Variants in SNX29 observed in about 807,000 individuals in gnomAD.
SNX29 encodes the protein sorting nexin-29.
In SNX29, 78 loss-of-function variants were observed where a neutral mutation model predicts 102.1. The observed-to-expected ratio is 0.76, with a 90% CI of 0.64 to 0.92. SNX29 has a LOEUF of 0.92. SNX29 is among the 40% of genes least tolerant of loss of function. SNX29 has a pLI of 0.00. For missense variants in SNX29, 1,280 were observed against 1,061.7 expected (o/e 1.21, Z -2.86); for synonymous variants, 580 against 414.5 (o/e 1.40, Z -4.85).
chr16:12,536,542 C>T (rs898367742), intron 20 of SNX29, among the ~76,000 whole-genome samples: 1 of 152,136 alleles, frequency 6.6e-6, no homozygotes, highest in Non-Finnish European at 1.5e-5. Context: ...TAAAATGGGA[C>T]TAATTATAGC....
chr16:12,255,136 T>G (rs896897761), intron 14 of SNX29, among the ~76,000 whole-genome samples: 1 of 152,244 alleles, frequency 6.6e-6, no homozygotes, highest in Non-Finnish European at 1.5e-5. Context: ...CACATACTTT[T>G]TTTTGGTGTT....
At chr16:12,392,364 A>G (rs924275658) in intron 16 of SNX29, among the ~76,000 whole-genome samples, 8 of 152,186 alleles carry the variant, frequency 5.3e-5, no homozygotes, top group Admixed American at 3.3e-4. Flanking sequence ...TTTCTTGGAA[A>G]GAAAGTAGAT....
At position 12,263,132 on chromosome 16, in the gene SNX29, CT is replaced by C. The variant is rs541154463; in HGVS notation, c.1679-14784del. Among the ~76,000 whole-genome samples the C allele has an allele frequency of 4.1e-3, 570 of 138,302 alleles. 8 individuals are homozygous for C. The East Asian group carries it at 0.042, about 10-fold the overall frequency. 90.7% of individuals were successfully genotyped at this position (138,302 alleles called of 152,430 possible). A position where few individuals can be genotyped will look rare whatever the true frequency, so the allele number is the denominator to read the frequency against. On this transcript the variant is annotated intron_variant, in intron 14 of 20. Coordinates refer to ENST00000566228, the MANE Select transcript of SNX29 (RefSeq NM_032167.5). ...CCTCTCTTCTTGGACTGTTGTCCACCTTTTTTTTTTTTTTTTTGAGACAGGA... is the reference window on the plus strand; with the variant it reads ...CCTCTCTTCTTGGACTGTTGTCCACCTTTTTTTTTTTTTTTTGAGACAGGA...
At position 12,393,663 on chromosome 16, in the gene SNX29, T is replaced by A. The variant is rs141504199; in HGVS notation, c.1900-4783T>A. Among the ~76,000 whole-genome samples, 329 of 152,274 alleles carry A rather than the reference T, an allele frequency of 2.2e-3. 1 individual carries two copies. Among genetic ancestry groups the A allele is most frequent in the African/African-American group, 7.8e-3 (323 of 41,556 alleles). The stretch of plus-strand genomic sequence containing the variant: ...GGTCTGGGAAGGTGCCTCCTAGGAA[T>A]TCATATTTTGGCTGAGTCTTAGATG... On this transcript the variant is annotated intron_variant, in intron 16 of 20. Transcript: ENST00000566228.
At chr16:12,042,111 A>G (rs2049902696) in intron 4 of SNX29, among the ~76,000 whole-genome samples, 1 of 151,840 alleles carries the variant, frequency 6.6e-6, no homozygotes, top group Non-Finnish European at 1.5e-5. Flanking sequence ...GCTCACTGCA[A>G]CCTCCGCCTC....
chr16:12,160,705 A>G (rs761418701), intron 13 of SNX29, among the ~76,000 whole-genome samples: 9 of 152,208 alleles, frequency 5.9e-5, no homozygotes, highest in Non-Finnish European at 1.2e-4. Flanking sequence ...AAAAGGGTGA[A>G]TTATATCTTA....
intron 16 of SNX29, among the ~76,000 whole-genome samples, chr16:12,366,042 CAAAA>C (rs55895030): frequency 0.031 from 2,253 of 72,426 alleles, 43 homozygotes; most frequent in East Asian, 0.098. Flanking sequence ...ACTCTTGTCT[CAAAA>C]AAAAAAAAAA....
intron 15 of SNX29, among the ~76,000 whole-genome samples, chr16:12,351,210 TGG>T (rs35814939): frequency 0.39 from 59,334 of 151,952 alleles, 13,397 homozygotes; most frequent in Non-Finnish European, 0.53. Context: ...GACACTTAGT[TGG>T]TGCTCCGGAG....
chr16:12,453,084 C>G (rs906142977), intron 18 of SNX29, among the ~76,000 whole-genome samples: 2 of 152,148 alleles, frequency 1.3e-5, no homozygotes, highest in African/African-American at 4.8e-5. Flanking sequence ...TCCCCTCCCA[C>G]CCTTCATTCT....
At chr16:12,232,617 A>G (rs986534741) in intron 14 of SNX29, among the ~76,000 whole-genome samples, 1 of 152,156 alleles carries the variant, frequency 6.6e-6, no homozygotes, top group African/African-American at 2.4e-5. Context: ...TTCACGGTGG[A>G]GTAGTGGAAA....
At chr16:12,373,105 A>G (rs72771521) in intron 16 of SNX29, 2 of 152,288 alleles carry the variant, frequency 1.3e-5, no homozygotes, top group Non-Finnish European at 2.9e-5. Context: ...TAGAGTCTTC[A>G]TGTCCTCACC....
chr16:12,093,112 A>G (rs754320279), intron 11 of SNX29, among the ~76,000 whole-genome samples: 9 of 152,204 alleles, frequency 5.9e-5, no homozygotes, highest in African/African-American at 9.7e-5. Context: ...TGTCACCTTC[A>G]GGTTTTAATT....
intron 3 of SNX29, among the ~76,000 whole-genome samples, chr16:12,025,772 TTGAG>T (rs944333389): frequency 1.1e-4 from 17 of 152,246 alleles, no homozygotes; most frequent in African/African-American, 3.6e-4. Context: ...CGAGTAAAGA[TTGAG>T]TAAGGTAGCC....
intron 18 of SNX29, among the ~76,000 whole-genome samples, chr16:12,417,378 C>T (rs1384833227): frequency 1.3e-5 from 2 of 152,160 alleles, no homozygotes; most frequent in East Asian, 1.9e-4. Flanking sequence ...CTGTCTGGCT[C>T]ACCTGGTCTC....
At chr16:12,559,669 T>C (rs999064759) in intron 20 of SNX29, among the ~76,000 whole-genome samples, 6 of 152,086 alleles carry the variant, frequency 3.9e-5, no homozygotes, top group African/African-American at 1.4e-4. Context: ...TTCTCTACCA[T>C]GGGCCTGGGG....
At chr16:12,046,920 C>T (rs2050112671) in intron 6 of SNX29, among the ~76,000 whole-genome samples, 1 of 152,174 alleles carries the variant, frequency 6.6e-6, no homozygotes, top group African/African-American at 2.4e-5. Context: ...TGCCCGACCA[C>T]AGTGTTGGGT....
intron 20 of SNX29, among the ~76,000 whole-genome samples, chr16:12,556,017 C>T (rs951982597): frequency 5.3e-5 from 8 of 152,164 alleles, no homozygotes; most frequent in South Asian, 2.1e-4. Context: ...CCTGTGGACT[C>T]ATGCCATGCC....
chr16:12,554,977 G>A (rs777469907), intron 20 of SNX29, among the ~76,000 whole-genome samples: 1 of 152,084 alleles, frequency 6.6e-6, no homozygotes, highest in African/African-American at 2.4e-5. Context: ...AGGGGGGTCA[G>A]TCAGCCGGAG....
At chr16:12,340,501 G>T (rs565568859) in intron 15 of SNX29, among the ~76,000 whole-genome samples, 1 of 152,348 alleles carries the variant, frequency 6.6e-6, no homozygotes, top group African/African-American at 2.4e-5. Context: ...GGATGTGGGA[G>T]ACAGAATGGG....
Sources: gnomAD v4.1 joint callset for allele counts (sites outside exome capture counted in the v4.1 genomes callset) on GRCh38, gnomAD v4.1.1 for gene constraint, MANE v1.5 for transcripts, NCBI Gene and HGNC (gene_info 2026-07-23, HGNC 2026-07-21) for gene names.